KCNT1: variants seen among roughly 807,000 people sequenced by gnomAD.
KCNT1 encodes the protein potassium sodium-activated channel subfamily T member 1, also known as potassium channel subfamily T member 1.
A neutral mutation model predicts 147.8 loss-of-function variants in KCNT1; 78 were observed. The ratio of observed to expected loss-of-function variants is 0.53; its 90% CI spans 0.44 to 0.64. The LOEUF is 0.64. Among genes scored for constraint, KCNT1 ranks in the 30% least tolerant of loss-of-function variants. The pLI is 0.00. For missense variants in KCNT1, 1,419 were observed against 1,750.3 expected (o/e 0.81, Z 3.38); for synonymous variants, 867 against 748.8 (o/e 1.16, Z -2.58).
intron 1 of KCNT1, among the ~76,000 whole-genome samples, chr9:135,702,627 C>T (rs373991505): frequency 2.1e-3 from 317 of 152,236 alleles, no homozygotes; most frequent in African/African-American, 7.4e-3. Flanking sequence ...GGGGGAGCGG[C>T]CGTGGCTACA....
chr9:135,784,272 C>T, intron 25 of KCNT1, 147 bp downstream of exon 25: 1 of 717,924 alleles, frequency 1.4e-6, no homozygotes, highest in Admixed American at 2.5e-5. Flanking sequence ...GGGCCCTGTC[C>T]TTGCCCCAGG....
Position 135,759,831 on chromosome 9 carries a change from G to A in KCNT1, c.1007G>A (p.Cys336Tyr), listed in dbSNP as rs1243067841. ...PSQLLVVIMI[C>Y]VALVVLPLQF... is the part of the protein sequence containing the mutation. ...CAGCTGCTGGTGGTCATCATGATCT[G>A]CGTGGCCCTCGTGGTGCTCCCACTG... Residue 336 changes from cysteine (C) to tyrosine (Y), a missense_variant, in exon 11 of 31, where the codon TGC becomes TAC. Coordinates refer to ENST00000371757, the MANE Select transcript of KCNT1 (RefSeq NM_020822.3). 1.2e-6 allele frequency: 2 copies of A among 1,610,802 alleles called. No individual in the cohort carries two copies. The highest frequency in any genetic ancestry group is 1.7e-6 in the Non-Finnish European group (2 of 1,178,306).
In KCNT1 at chr9:135,784,536, C is replaced by A; in HGVS notation, c.2945C>A (p.Ser982Tyr). 1 of 1,236,758 alleles carries A rather than the reference C, an allele frequency of 8.1e-7. No individual in the cohort carries two copies. Among genetic ancestry groups the A allele is most frequent in the Non-Finnish European group, 1.1e-6 (1 of 914,690 alleles). The allele number at this position is 1,236,758 out of a possible 1,614,324, so 76.6% of individuals were successfully genotyped here. The change falls in exon 26 of 31, where the codon TCC (serine) becomes TAC (tyrosine). Residue 982 changes from serine to tyrosine, a missense_variant and splice_region_variant. Ser to Tyr is a moderately radical substitution (Grantham distance 144). Around this residue, in one of 5 missense-constraint regions of KCNT1, gnomAD observed 247 missense variants for 397.1 expected, o/e 0.62. Transcript: ENST00000371757. ...CTCCCTCCCTCCCTCCCTGGCCAGTCCTTCGTGAAGGACTACATGATCACC... is the reference window on the plus strand; with the variant it reads ...CTCCCTCCCTCCCTCCCTGGCCAGTACTTCGTGAAGGACTACATGATCACC... ...ISMLDTLLYQ[S>Y]FVKDYMITIT...
Position 135,784,623 on chromosome 9 carries a change from G to C in KCNT1, c.3027+5G>C. On this transcript the variant is annotated splice_donor_5th_base_variant and intron_variant, in intron 26 of 30. Transcript: ENST00000371757. ...GGCTCGGGGTACCTCTGTGCCGTAAGTGCCCCTGGCTGCGCTGGGCTGGGG... is the reference window on the plus strand; with the variant it reads ...GGCTCGGGGTACCTCTGTGCCGTAACTGCCCCTGGCTGCGCTGGGCTGGGG... 6.2e-7 allele frequency: 1 copy of C among 1,611,814 alleles called. No homozygotes were observed. Among genetic ancestry groups the C allele is most frequent in the Non-Finnish European group, 8.5e-7 (1 of 1,179,662 alleles).
chr9:135,721,984 AG>A (rs1374237463), intron 2 of KCNT1, among the ~76,000 whole-genome samples: 4 of 152,120 alleles, frequency 2.6e-5, no homozygotes, highest in African/African-American at 4.8e-5. Context: ...GGTGGGTTCC[AG>A]GGGCTTGCGT....
chr9:135,784,428 G>C (rs1270142316), intron 25 of KCNT1, 107 bp from the exon 26 acceptor site: 1 of 823,666 alleles, frequency 1.2e-6, no homozygotes, highest in Non-Finnish European at 2.0e-6. Flanking sequence ...GCGAGCCCGT[G>C]GCCGGTGGGG....
chr9:135,742,839 G>C, intron 2 of KCNT1: 1 of 717,026 alleles, frequency 1.4e-6, no homozygotes, highest in Admixed American at 2.0e-5. Context: ...GGGAGGAACT[G>C]TCTTGGTGGC....
rs1836395144 is a variant in KCNT1 at position 135,730,716 on chromosome 9, T to C, written c.254+15996T>C. ...AAACACTTGTGTTGGCCGGGTACGG[T>C]GGCTCACACCTGAAATCTCAGCACT... On this transcript the variant is annotated intron_variant, in intron 2 of 30. Coordinates refer to ENST00000371757, the MANE Select transcript of KCNT1 (RefSeq NM_020822.3). The surrounding 1 kb of genome is among the most constrained non-coding windows in gnomAD (Gnocchi z 4.7). Among the ~76,000 whole-genome samples, 1 of 152,106 alleles carries C rather than the reference T, an allele frequency of 6.6e-6. No individual in the cohort carries two copies. Among genetic ancestry groups the C allele is most frequent in the Admixed American group, 6.5e-5 (1 of 15,286 alleles).
intron 19 of KCNT1, among the ~76,000 whole-genome samples, chr9:135,774,414 GTGTGTCTGTGTGTTGTGTGGTGTGTC>G (rs1564376419): frequency 7.0e-6 from 1 of 142,900 alleles, no homozygotes; most frequent in Non-Finnish European, 1.5e-5. Flanking sequence ...TGTGTGTGGT[GTGTGTCTGTGTGTTGTGTGGTGTGTC>G]TGTGGTGTGT....
At chr9:135,780,674 C>T (rs1477648947) in intron 24 of KCNT1, among the ~76,000 whole-genome samples, 3 of 152,352 alleles carry the variant, frequency 2.0e-5, no homozygotes, top group Non-Finnish European at 2.9e-5. Context: ...TGCCCGCCGC[C>T]CAAGCCCACC....
At chr9:135,763,379 GA>G (rs1450913250) in intron 11 of KCNT1, among the ~76,000 whole-genome samples, 14 of 152,250 alleles carry the variant, frequency 9.2e-5, no homozygotes, top group African/African-American at 3.1e-4. Context: ...CCTCGCTCAC[GA>G]GCGTCCTTCT....
chr9:135,758,394 A>G lies in KCNT1; in HGVS notation c.760-20A>G, dbSNP rs752248927. ...GGGTCCACAGTCCCTGCCCGCTGAC[A>G]GCCACCACTCCTTCCACAGAATGAC... On this transcript the variant is annotated intron_variant, in intron 9 of 30. Coordinates refer to ENST00000371757, the MANE Select transcript of KCNT1 (RefSeq NM_020822.3). 1 of 1,597,506 alleles carries G rather than the reference A, an allele frequency of 6.3e-7. No individual in the cohort carries two copies. The highest frequency in any genetic ancestry group is 8.6e-7 in the Non-Finnish European group (1 of 1,167,466).
In KCNT1 at chr9:135,792,316, A is replaced by G. The variant is rs1325602905; in HGVS notation, c.*155A>G. 4.1e-6 allele frequency: 4 copies of G among 982,240 alleles called. No individual in the cohort carries two copies. Among genetic ancestry groups the G allele is most frequent in the Admixed American group, 3.0e-5 (1 of 33,152 alleles). 60.8% of individuals were successfully genotyped at this position (982,240 alleles called of 1,614,324 possible). On this transcript the variant is annotated 3_prime_UTR_variant, in exon 31 of 31. Transcript: ENST00000371757. ...ACTCCACCCTGGAAAGGAGCCCCTC[A>G]TGCGGGGGGAGGGCCAGCTCACCCC...
At chr9:135,776,441 A>AT (rs538864683) in intron 20 of KCNT1, among the ~76,000 whole-genome samples, 250 of 151,664 alleles carry the variant, frequency 1.6e-3, no homozygotes, top group Middle Eastern at 6.8e-3. Flanking sequence ...TTATTTATTT[A>AT]TTTTTTGTAG....
intron 29 of KCNT1, 80 bp downstream of exon 29, chr9:135,786,601 G>A (rs1039934129): frequency 6.0e-5 from 79 of 1,326,134 alleles, no homozygotes; most frequent in Non-Finnish European, 7.1e-5. Context: ...AGTCGGCCAC[G>A]GCGTCCCGGG....
intron 19 of KCNT1, among the ~76,000 whole-genome samples, 199 bp downstream of exon 19, chr9:135,773,148 G>A (rs1312245654): frequency 3.9e-5 from 6 of 152,208 alleles, no homozygotes; most frequent in Admixed American, 1.3e-4. Context: ...CCTCGTCGCC[G>A]GGGAGCACTT....
chr9:135,729,400 G>C (rs1197812261), intron 2 of KCNT1, among the ~76,000 whole-genome samples: 2 of 152,258 alleles, frequency 1.3e-5, no homozygotes, highest in Non-Finnish European at 2.9e-5. Flanking sequence ...TGCAGGAGGG[G>C]ATTCCGCAGA....
chr9:135,772,366 G>T (rs1174404550), intron 18 of KCNT1, among the ~76,000 whole-genome samples: 1 of 152,134 alleles, frequency 6.6e-6, no homozygotes, highest in Non-Finnish European at 1.5e-5. Flanking sequence ...CATCCACCAG[G>T]CAGCCTGACC....
rs1253303573 is a variant in KCNT1 at position 135,770,361 on chromosome 9, G to A, written c.1683G>A (p.Val561=). The A allele has an allele frequency of 1.4e-5, 23 of 1,613,142 alleles. No individual in the cohort carries two copies. Among genetic ancestry groups the A allele is most frequent in the East Asian group, 2.2e-5 (1 of 44,872 alleles). ...ATGGGCGCTGCTCCGGCAACGAGGTGTACCACATCCGCATGGGTGACAGCA... is the reference window on the plus strand; with the variant it reads ...ATGGGCGCTGCTCCGGCAACGAGGTATACCACATCCGCATGGGTGACAGCA... ...RMYGRCSGNE[V]YHIRMGDSKF... is the part of the protein sequence containing the mutation. Residue 561 remains valine, a synonymous_variant, in exon 17 of 31, where the codon GTG becomes GTA. Transcript: ENST00000371757.
Sources: allele counts gnomAD v4.1 joint callset (sites outside exome capture counted in the v4.1 genomes callset), GRCh38; gene constraint gnomAD v4.1.1; regional missense constraint gnomAD v4.1.1; non-coding constraint Gnocchi (gnomAD v3.1); transcripts MANE v1.5; gene names NCBI Gene and HGNC (gene_info 2026-07-23, HGNC 2026-07-21).